Variants in KCNH2 observed in about 807,000 individuals in gnomAD.
KCNH2 encodes potassium voltage-gated channel subfamily H member 2.
In KCNH2, 35 loss-of-function variants were observed where a neutral mutation model predicts 95.9. That is an observed-to-expected ratio of 0.37 (90% CI 0.28 to 0.48). The LOEUF (loss-of-function observed/expected upper bound fraction) is 0.48. Among genes scored for constraint, KCNH2 ranks in the 20% least tolerant of loss-of-function variants. The pLI is 0.99. For synonymous variants in KCNH2, 786 were observed against 754.7 expected, an observed-to-expected ratio of 1.04 and a Z score of -0.68; for missense variants, 1,274 against 1,702.9, an observed-to-expected ratio of 0.75 and a Z score of 4.43.
At chr7:150,974,619 A>ACCCCCCCCC in intron 2 of KCNH2, 92 bp downstream of exon 2, 4 of 304,862 alleles carry the variant, frequency 1.3e-5, no homozygotes, top group Non-Finnish European at 1.7e-5. Context: ...CCGCCCCCAC[A>ACCCCCCCCC]CCCCCACACC....
intron 9 of KCNH2, chr7:150,949,898 C>T (rs1428585965): frequency 6.9e-7 from 1 of 1,448,054 alleles, no homozygotes; most frequent in African/African-American, 1.4e-5. Flanking sequence ...TAGATTTGAT[C>T]CTACTTTAAG....
intron 8 of KCNH2, 137 bp downstream of exon 8, chr7:150,950,784 A>G: frequency 1.1e-6 from 1 of 942,592 alleles, no homozygotes; most frequent in Admixed American, 2.0e-5. Flanking sequence ...CTCATGGGCA[A>G]AAAGGGGCAA....
In KCNH2 at chr7:150,947,390, C is replaced by T. The variant is rs778604642; in HGVS notation, c.3090G>A (p.Pro1030=). The change falls in exon 13 of 15, where the codon CCG becomes CCA. Residue 1030 remains proline, a synonymous_variant. Transcript: ENST00000262186. ...CCACGTCGCCCCGGGGCCGCCGACC[C>T]GGGCTGGAGAGGGGGATGTTGAGGA... ...PSLLNIPLSS[P]GRRPRGDVES... 11 of 1,521,730 alleles carry T rather than the reference C, an allele frequency of 7.2e-6. No homozygotes were observed. Among genetic ancestry groups the T allele is most frequent in the African/African-American group, 4.2e-5 (3 of 71,960 alleles). The allele number at this position is 1,521,730 out of a possible 1,614,324, so 94.3% of individuals were successfully genotyped here. A position where few individuals can be genotyped will look rare whatever the true frequency, so the allele number is the denominator to read the frequency against.
rs1801599216 is a variant in KCNH2, at chr7:150,962,651, G to GAGAGAGAGAGAGAGAGAGAGAT, written c.308-2916_308-2915insATCTCTCTCTCTCTCTCTCTCT. Among the ~76,000 whole-genome samples, 1 of 151,984 alleles carries GAGAGAGAGAGAGAGAGAGAGAT rather than the reference G, an allele frequency of 6.6e-6. No homozygotes were observed. The highest frequency in any genetic ancestry group is 1.5e-5 in the Non-Finnish European group (1 of 68,004). On this transcript the variant is annotated intron_variant, in intron 2 of 14. Coordinates refer to ENST00000262186, the MANE Select transcript of KCNH2 (RefSeq NM_000238.4). The surrounding 1 kb of genome is among the most constrained non-coding windows in gnomAD (Gnocchi z 5.7). Reference sequence around the variant, plus strand: ...ACAGAGAGAGAGAGAGAGAGAGAGAGAGGAGTGACTGCTGGCCCTCTTCCT... The same window carrying GAGAGAGAGAGAGAGAGAGAGAT: ...ACAGAGAGAGAGAGAGAGAGAGAGAGAGAGAGAGAGAGAGAGAGAGATAGGAGTGACTGCTGGCCCTCTTCCT...
chr7:150,959,907 G>A (rs1345499915), intron 2 of KCNH2, among the ~76,000 whole-genome samples, 171 bp from the exon 3 acceptor site: 7 of 152,208 alleles, frequency 4.6e-5, no homozygotes, highest in African/African-American at 1.7e-4. Context: ...TGTGCCTGCC[G>A]CCCTTATGGC....
At chr7:150,977,738 T>A in intron 1 of KCNH2, 100 bp downstream of exon 1, 8 of 1,025,406 alleles carry the variant, frequency 7.8e-6, no homozygotes, top group Non-Finnish European at 1.0e-5. Context: ...GACTCGCACT[T>A]GCCGACGCAC....
chr7:150,973,066 C>T (rs1801880967), intron 2 of KCNH2, among the ~76,000 whole-genome samples: 1 of 152,206 alleles, frequency 6.6e-6, no homozygotes, highest in Non-Finnish European at 1.5e-5. Flanking sequence ...CAAAGCAAGG[C>T]ACGTTATCCC....
At chr7:150,971,499 T>G (rs1271548127) in intron 2 of KCNH2, among the ~76,000 whole-genome samples, 2 of 151,610 alleles carry the variant, frequency 1.3e-5, no homozygotes, top group African/African-American at 4.9e-5. Context: ...ACGCACAAGC[T>G]CCCGGGGACA....
At position 150,954,379 on chromosome 7, in the gene KCNH2, C is replaced by T. The variant is rs559157526; in HGVS notation, c.1129-1526G>A. The stretch of plus-strand genomic sequence containing the variant: ...GTGCCTGAGAGGTCAAGCCTCTGGG[C>T]GGAGGTGTCAGGACCACCCCTAACA... On this transcript the variant is annotated intron_variant, in intron 5 of 14. Transcript: ENST00000262186. Among the ~76,000 whole-genome samples the T allele has an allele frequency of 4.6e-5, 7 of 152,270 alleles. No individual in the cohort carries two copies. In the East Asian group the frequency reaches 5.8e-4, roughly 13 times the overall value.
intron 2 of KCNH2, among the ~76,000 whole-genome samples, chr7:150,963,877 G>A (rs996753491): frequency 1.3e-5 from 2 of 152,220 alleles, no homozygotes; most frequent in Admixed American, 6.5e-5. Flanking sequence ...CACATTCCCA[G>A]AGTGGCAGGT....
At chr7:150,965,063 T>TGC (rs1227401020) in intron 2 of KCNH2, among the ~76,000 whole-genome samples, 4 of 150,002 alleles carry the variant, frequency 2.7e-5, no homozygotes, top group African/African-American at 7.4e-5. Context: ...AGTGTGTGTG[T>TGC]GCGCGCGTGT....
intron 6 of KCNH2, 34 bp from the exon 7 acceptor site, chr7:150,951,869 G>A (rs1254135622): frequency 2.0e-6 from 3 of 1,523,654 alleles, no homozygotes; most frequent in Non-Finnish European, 2.6e-6. Flanking sequence ...TTCCGTTGAT[G>A]GGGCAAGGGG....
rs182086507 is a variant in KCNH2 at position 150,961,356 on chromosome 7, G to A, written c.308-1620C>T. Among the ~76,000 whole-genome samples, 13 of 151,130 alleles carry A rather than the reference G, an allele frequency of 8.6e-5. No homozygotes were observed. The highest frequency in any genetic ancestry group is 3.9e-4 in the East Asian group (2 of 5,146). On this transcript the variant is annotated intron_variant, in intron 2 of 14. Transcript: ENST00000262186. The surrounding 1 kb of genome is among the most constrained non-coding windows in gnomAD (Gnocchi z 6.2). ...TCTGTCACCCAGGGTGGAGTGCAGC[G>A]GCATGATCTTGGCTCACTGCAACCT...
rs1800966532 is a variant in KCNH2 at position 150,947,777 on chromosome 7, A to G, written c.2794T>C (p.Ser932Pro). ...RPGGPWGESP[S>P]SGPSSPESSE... ...CTCTCAGGGCTGGAGGGGCCACTGGACGGGCTCTCCCCCCACGGCCCCCCC... is the reference window on the plus strand; with the variant it reads ...CTCTCAGGGCTGGAGGGGCCACTGGGCGGGCTCTCCCCCCACGGCCCCCCC... Residue 932 changes from serine (S) to proline (P), a missense_variant, in exon 12 of 15, where the codon TCC becomes CCC. Ser to Pro is a moderately conservative substitution (Grantham distance 74). This residue lies in a region of KCNH2 where 457 missense variants were observed against 416.1 expected (regional missense o/e 1.10). Transcript: ENST00000262186. The G allele has an allele frequency of 1.3e-6, 2 of 1,537,074 alleles. No homozygotes were observed. Among genetic ancestry groups the G allele is most frequent in the East Asian group, 2.4e-5 (1 of 40,872 alleles).
intron 2 of KCNH2, among the ~76,000 whole-genome samples, chr7:150,971,478 C>T (rs972901463): frequency 6.6e-5 from 10 of 152,118 alleles, no homozygotes; most frequent in Non-Finnish European, 1.0e-4. Context: ...GAGACACCAC[C>T]GTCCCCACCC....
chr7:150,958,034 G>A, intron 4 of KCNH2, 25 bp downstream of exon 4: 4 of 1,266,930 alleles, frequency 3.2e-6, no homozygotes, highest in Non-Finnish European at 4.0e-6. Context: ...GGGCTGGGGC[G>A]GAACGGGTCC....
intron 2 of KCNH2, among the ~76,000 whole-genome samples, chr7:150,969,082 C>G (rs560634385): frequency 6.6e-6 from 1 of 152,298 alleles, no homozygotes; most frequent in Non-Finnish European, 1.5e-5. Context: ...AGGCCCTGAG[C>G]CCATCATGCC....
At position 150,946,086 on chromosome 7, in the gene KCNH2, G is replaced by A. The variant is rs1034768341; in HGVS notation, c.3331-572C>T. Among the ~76,000 whole-genome samples, 3 of 152,098 alleles carry A rather than the reference G, an allele frequency of 2.0e-5. No homozygotes were observed. The highest frequency in any genetic ancestry group is 6.5e-5 in the Admixed American group (1 of 15,276). ...TTTGCTGACGTGGGCCCTCGTGTCT[G>A]CAAACAGGAGCAGGCAGCATATGGG... On this transcript the variant is annotated intron_variant, in intron 14 of 14. Transcript: ENST00000262186. The surrounding 1 kb of genome is among the most constrained non-coding windows in gnomAD (Gnocchi z 6.5).
At chr7:150,965,436 C>T (rs776721533) in intron 2 of KCNH2, among the ~76,000 whole-genome samples, 1 of 152,166 alleles carries the variant, frequency 6.6e-6, no homozygotes, top group Non-Finnish European at 1.5e-5. Context: ...AAGTCCCACC[C>T]GCTGCCCTCC....
Sources: gnomAD v4.1 joint callset for allele counts (sites outside exome capture counted in the v4.1 genomes callset) on GRCh38, gnomAD v4.1.1 for gene constraint, gnomAD v4.1.1 regional missense constraint, Gnocchi (gnomAD v3.1) non-coding constraint, MANE v1.5 for transcripts, NCBI Gene and HGNC (gene_info 2026-07-23, HGNC 2026-07-21) for gene names.